The following ATIC variants were observed in gnomAD, a reference collection of about 807,000 sequenced individuals.
ATIC encodes the protein bifunctional purine biosynthesis protein ATIC.
ATIC carries 64 observed loss-of-function variants against 72.5 expected under a neutral mutation model. The ratio of observed to expected loss-of-function variants is 0.88; its 90% CI spans 0.72 to 1.09. The LOEUF (loss-of-function observed/expected upper bound fraction) is 1.09, where lower values mean the gene tolerates loss of function less well. ATIC is among the 50% of genes least tolerant of loss of function. The pLI is 0.00. For missense variants in ATIC, 787 were observed against 732.4 expected (o/e 1.07, Z -0.86); for synonymous variants, 281 against 267.1 (o/e 1.05, Z -0.51).
chr2:215,347,556 G>C (rs4673992), intron 14 of ATIC: 449,444 of 484,500 alleles, frequency 0.93, 208,683 homozygotes, highest in East Asian at 1. Context: ...AAAACAGAAG[G>C]CTGCTAATCA....
At chr2:215,357,124 A>T in the ATIC span, among the ~76,000 whole-genome samples, 2 of 152,224 alleles carry the variant, frequency 1.3e-5, no homozygotes, top group Non-Finnish European at 2.9e-5. Context: ...CACTTGGCTC[A>T]GCATCTTACA....
chr2:215,355,602 A>G, the ATIC span, among the ~76,000 whole-genome samples: 1 of 150,872 alleles, frequency 6.6e-6, no homozygotes, highest in African/African-American at 2.4e-5. Context: ...CTTTCCATTC[A>G]TGGACATTTT....
chr2:215,368,003 G>A, the ATIC span: 80 of 1,614,190 alleles, frequency 5.0e-5, no homozygotes, highest in South Asian at 1.1e-4. Flanking sequence ...CGAGTCATCC[G>A]TAGGTTGGTT....
the ATIC span, chr2:215,367,937 A>G: frequency 1.2e-6 from 2 of 1,613,964 alleles, no homozygotes; most frequent in African/African-American, 1.3e-5. Context: ...TGATTCAGAC[A>G]TTCGTTCCCA....
the ATIC span, among the ~76,000 whole-genome samples, chr2:215,363,983 T>C: frequency 1.2e-3 from 185 of 152,318 alleles, no homozygotes; most frequent in African/African-American, 4.2e-3. Context: ...AGCTCCTTTC[T>C]ATCCCAGGGG....
At chr2:215,317,524 C>G (rs532357182) in intron 2 of ATIC, among the ~76,000 whole-genome samples, 1 of 152,224 alleles carries the variant, frequency 6.6e-6, no homozygotes, top group African/African-American at 2.4e-5. Context: ...CTTGCTCTGT[C>G]GCCCAGGCTG....
At chr2:215,368,073 C>T in the ATIC span, 98 of 1,587,740 alleles carry the variant, frequency 6.2e-5, no homozygotes, top group Admixed American at 8.4e-5. Context: ...TCTTATTAAT[C>T]GATTTGGACC....
At chr2:215,348,218 A>G (rs1012588483) in intron 14 of ATIC, among the ~76,000 whole-genome samples, 1 of 152,216 alleles carries the variant, frequency 6.6e-6, no homozygotes, top group Non-Finnish European at 1.5e-5. Context: ...CATAGCAAAT[A>G]TTATGAATTG....
At chr2:215,317,239 C>CT (rs902563002) in intron 2 of ATIC, among the ~76,000 whole-genome samples, 1 of 151,974 alleles carries the variant, frequency 6.6e-6, no homozygotes, top group African/African-American at 2.4e-5. Flanking sequence ...TTCTAGTTTA[C>CT]TTTTTTTTCC....
chr2:215,316,311 T>G (rs1394343053), intron 2 of ATIC, among the ~76,000 whole-genome samples: 1 of 152,334 alleles, frequency 6.6e-6, no homozygotes, highest in East Asian at 1.9e-4. Context: ...AAAACACTTA[T>G]GTCACCAGTT....
chr2:215,330,907 C>A (rs4629155), intron 7 of ATIC, among the ~76,000 whole-genome samples: 70,532 of 151,728 alleles, frequency 0.46, 18,253 homozygotes, highest in East Asian at 0.78. Flanking sequence ...AGTATGGAGC[C>A]CTTTTAGGCA....
intron 12 of ATIC, 125 bp downstream of exon 12, chr2:215,339,032 C>A: frequency 1.5e-6 from 2 of 1,313,840 alleles, no homozygotes; most frequent in Non-Finnish European, 2.2e-6. Flanking sequence ...GGCTAGCTAG[C>A]TTATCTTTGA....
Position 215,336,114 on chromosome 2 carries a change from GTGTCCTTCAGGTGAGTGCAATTCA to G in ATIC, c.1092_1098+17del, listed in dbSNP as rs2052951946. 1 of 1,610,380 alleles carries G rather than the reference GTGTCCTTCAGGTGAGTGCAATTCA, an allele frequency of 6.2e-7. No individual in the cohort carries two copies. Among genetic ancestry groups the G allele is most frequent in the Non-Finnish European group, 8.5e-7 (1 of 1,176,926 alleles). Reference sequence around the variant, plus strand: ...TCCAAAAAGAAAAATGGAAACTATTGTGTCCTTCAGGTGAGTGCAATTCATGTTTGAAGCGGTAATTTGCTCTTT... The same window carrying G: ...TCCAAAAAGAAAAATGGAAACTATTGTGTTTGAAGCGGTAATTTGCTCTTT... On this transcript the variant is annotated splice_donor_variant and splice_donor_5th_base_variant and coding_sequence_variant and intron_variant, in exon 11 of 16. Coordinates refer to ENST00000236959, the MANE Select transcript of ATIC (RefSeq NM_004044.7). LOFTEE classifies it high-confidence loss of function.
rs1414276250 is a variant in ATIC at position 215,349,560 on chromosome 2, C to A, written c.1684C>A (p.Pro562Thr). The change falls in exon 16 of 16, where the codon CCC (proline) becomes ACC (threonine). Residue 562 changes from proline to threonine, a missense_variant. Coordinates refer to ENST00000236959, the MANE Select transcript of ATIC (RefSeq NM_004044.7). ...KRSGVAYIAA[P>T]SGSAADKVVI... Reference sequence around the variant, plus strand: ...GAGTGGTGTGGCGTACATTGCGGCTCCCTCCGGTTCTGCTGCTGACAAAGT... The same window carrying A: ...GAGTGGTGTGGCGTACATTGCGGCTACCTCCGGTTCTGCTGCTGACAAAGT... The A allele has an allele frequency of 1.2e-6, 2 of 1,613,916 alleles. No individual in the cohort carries two copies. The highest frequency in any genetic ancestry group is 1.7e-6 in the Non-Finnish European group (2 of 1,180,030).
the ATIC span, chr2:215,367,725 C>T: frequency 7.1e-6 from 6 of 844,058 alleles, no homozygotes; most frequent in East Asian, 2.7e-5. Flanking sequence ...AATATTACTT[C>T]GAGTCAAACA....
intron 3 of ATIC, among the ~76,000 whole-genome samples, chr2:215,318,453 A>G (rs928023829): frequency 2.6e-5 from 4 of 152,186 alleles, no homozygotes; most frequent in African/African-American, 7.2e-5. Flanking sequence ...TCTGCTTGCT[A>G]TTAGTCCTGA....
chr2:215,322,561 A>T (rs11679882), intron 4 of ATIC, among the ~76,000 whole-genome samples: 20,155 of 151,724 alleles, frequency 0.13, 1,708 homozygotes, highest in East Asian at 0.22. Context: ...TGAACTCCTG[A>T]CCTCAGGTGA....
intron 1 of ATIC, 78 bp downstream of exon 1, chr2:215,312,239 G>A (rs1227500545): frequency 1.0e-5 from 15 of 1,446,484 alleles, no homozygotes; most frequent in East Asian, 2.8e-5. Flanking sequence ...GCGGCCGGCG[G>A]GACCCGGCAC....
At chr2:215,337,062 T>A (rs756126910) in intron 11 of ATIC, among the ~76,000 whole-genome samples, 9 of 147,302 alleles carry the variant, frequency 6.1e-5, no homozygotes, top group Non-Finnish European at 8.9e-5. Flanking sequence ...CTTTGATGAT[T>A]TTTCTACTAA....
Sources: gnomAD v4.1 joint callset for allele counts (sites outside exome capture counted in the v4.1 genomes callset) on GRCh38, gnomAD v4.1.1 for gene constraint, MANE v1.5 for transcripts, NCBI Gene and HGNC (gene_info 2026-07-23, HGNC 2026-07-21) for gene names.